DIPK1A: variants seen among roughly 807,000 people sequenced by gnomAD.
DIPK1A encodes the protein family with sequence similarity 69 member A.
In DIPK1A, 27 loss-of-function variants were observed where a neutral mutation model predicts 40.8. The ratio of observed to expected loss-of-function variants is 0.66; its 90% CI spans 0.49 to 0.91. DIPK1A has a LOEUF of 0.91. DIPK1A is among the 40% of genes least tolerant of loss of function. DIPK1A has a pLI of 0.00. For missense variants in DIPK1A, 412 were observed against 505.7 expected (o/e 0.81, Z 1.78); for synonymous variants, 166 against 171.3 (o/e 0.97, Z 0.24).
chr1:92,848,577 C>T (rs75362456), intron 3 of DIPK1A, among the ~76,000 whole-genome samples: 3,199 of 152,298 alleles, frequency 0.021, 119 homozygotes, highest in African/African-American at 0.072. Flanking sequence ...TCCCTGACCC[C>T]CTGTCTAGAA....
downstream of DIPK1A, among the ~76,000 whole-genome samples, chr1:92,839,314 G>GC (rs749471190): frequency 4.8e-4 from 73 of 152,248 alleles, no homozygotes; most frequent in Admixed American, 9.8e-4. Flanking sequence ...AGCTGGGATC[G>GC]CGCTACTGCA....
At chr1:92,943,679 C>T (rs896830646) in intron 1 of DIPK1A, among the ~76,000 whole-genome samples, 8 of 152,174 alleles carry the variant, frequency 5.3e-5, no homozygotes, top group Non-Finnish European at 1.0e-4. Context: ...GACCCCAGAG[C>T]CCAGCATAGG....
chr1:92,888,979 GTTGA>G (rs1648732746), intron 1 of DIPK1A, among the ~76,000 whole-genome samples: 1 of 152,126 alleles, frequency 6.6e-6, no homozygotes, highest in South Asian at 2.1e-4. Context: ...TCTTCACTCT[GTTGA>G]TTTTTTTCCT....
intron 1 of DIPK1A, among the ~76,000 whole-genome samples, chr1:92,887,518 T>C (rs1237984908): frequency 6.6e-6 from 1 of 152,112 alleles, no homozygotes; most frequent in Non-Finnish European, 1.5e-5. Context: ...AACAGATCCC[T>C]ACTAGTCTAC....
At chr1:92,911,428 G>T (rs903353444) in intron 1 of DIPK1A, among the ~76,000 whole-genome samples, 1 of 152,144 alleles carries the variant, frequency 6.6e-6, no homozygotes, top group African/African-American at 2.4e-5. Context: ...AATTTCTGTT[G>T]TTTATATGAG....
At chr1:92,941,520 T>C (rs1370162354) in intron 1 of DIPK1A, among the ~76,000 whole-genome samples, 3 of 152,234 alleles carry the variant, frequency 2.0e-5, no homozygotes, top group Non-Finnish European at 2.9e-5. Flanking sequence ...CCTGAGACAG[T>C]ATTTCTCGAC....
chr1:92,884,276 A>G (rs1201274246), intron 1 of DIPK1A, among the ~76,000 whole-genome samples: 1 of 152,088 alleles, frequency 6.6e-6, no homozygotes, highest in Non-Finnish European at 1.5e-5. Flanking sequence ...GTGGGACCCC[A>G]TCTCTACAAA....
intron 1 of DIPK1A, among the ~76,000 whole-genome samples, chr1:92,911,838 T>G (rs1649838264): frequency 6.6e-6 from 1 of 151,488 alleles, no homozygotes; most frequent in Admixed American, 6.6e-5. Flanking sequence ...TCATCTCTAC[T>G]AAAAATACAC....
intron 1 of DIPK1A, among the ~76,000 whole-genome samples, chr1:92,900,752 C>A (rs888939456): frequency 8.5e-5 from 13 of 152,074 alleles, no homozygotes; most frequent in African/African-American, 3.1e-4. Context: ...TTGTGCCCTG[C>A]CCCCTAGGGT....
intron 1 of DIPK1A, among the ~76,000 whole-genome samples, chr1:92,953,265 C>G (rs916832034): frequency 4.8e-5 from 7 of 144,570 alleles, no homozygotes; most frequent in African/African-American, 1.8e-4. Context: ...AAAAGAAGTG[C>G]AGACGGGGAT....
chr1:92,876,485 A>G (rs577958909), intron 1 of DIPK1A, 55 bp from the exon 2 acceptor site: 404 of 1,590,756 alleles, frequency 2.5e-4, no homozygotes, highest in African/African-American at 1.9e-3. Context: ...TCAGCATTCA[A>G]TGTCCTAGAA....
chr1:92,942,709 G>A (rs1449949994), intron 1 of DIPK1A, among the ~76,000 whole-genome samples: 1 of 152,084 alleles, frequency 6.6e-6, no homozygotes, highest in Admixed American at 6.6e-5. Flanking sequence ...ACCCAGGCTG[G>A]AGTGCAGTGG....
intron 1 of DIPK1A, among the ~76,000 whole-genome samples, chr1:92,905,553 T>C (rs1011405711): frequency 6.6e-6 from 1 of 152,172 alleles, no homozygotes; most frequent in African/African-American, 2.4e-5. Context: ...TTTGCAAATA[T>C]TTTCTCCCAT....
intron 4 of DIPK1A, chr1:92,836,134 A>G: frequency 6.6e-7 from 1 of 1,511,146 alleles, no homozygotes. Flanking sequence ...AAGCTATTTT[A>G]ATTTTAGAGC....
intron 1 of DIPK1A, among the ~76,000 whole-genome samples, chr1:92,950,706 G>C (rs532366419): frequency 6.6e-6 from 1 of 152,298 alleles, no homozygotes; most frequent in East Asian, 1.9e-4. Context: ...GGGAGAGCCT[G>C]TCTCAAACAA....
intron 1 of DIPK1A, among the ~76,000 whole-genome samples, chr1:92,908,503 C>T (rs1649711675): frequency 6.6e-6 from 1 of 152,098 alleles, no homozygotes; most frequent in Admixed American, 6.5e-5. Context: ...GATTTAGTAA[C>T]ATGGAAGTCA....
At chr1:92,844,820 A>G (rs1374244548) in intron 4 of DIPK1A, among the ~76,000 whole-genome samples, 1 of 152,200 alleles carries the variant, frequency 6.6e-6, no homozygotes. Context: ...TATTTCCGTT[A>G]GTCTGAAATA....
In DIPK1A at chr1:92,887,248, C is replaced by T. The variant is rs1270435829; in HGVS notation, c.55-10818G>A. 3.4e-5 allele frequency among the ~76,000 whole-genome samples: 4 copies of T among 118,498 alleles called. No homozygotes were observed. The Admixed American group carries it at 3.8e-4, about 11-fold the overall frequency. The allele number at this position is 118,498 out of a possible 152,430, so 77.7% of individuals were successfully genotyped here. ...CTAGAGAAACATAGGAAGACCCCAT[C>T]TCTACTAAAAAAAAAAAAAAAAAAA... is the stretch of plus-strand genomic sequence containing the variant. On this transcript the variant is annotated intron_variant, in intron 1 of 4. Coordinates refer to ENST00000370310, the MANE Select transcript of DIPK1A (RefSeq NM_001006605.5).
intron 4 of DIPK1A, among the ~76,000 whole-genome samples, chr1:92,834,374 C>T (rs1272428458): frequency 1.3e-5 from 2 of 152,192 alleles, no homozygotes; most frequent in Admixed American, 1.3e-4. Context: ...TCACTGGACT[C>T]TGAAAGCTAG....
Sources: gnomAD v4.1 joint callset for allele counts (sites outside exome capture counted in the v4.1 genomes callset) on GRCh38, gnomAD v4.1.1 for gene constraint, MANE v1.5 for transcripts, NCBI Gene and HGNC (gene_info 2026-07-23, HGNC 2026-07-21) for gene names.